The following PLEKHA5 variants were observed in gnomAD, a reference collection of about 807,000 sequenced individuals.
PLEKHA5 encodes the protein pleckstrin homology domain-containing family A member 5.
In PLEKHA5, 55 loss-of-function variants were observed where a neutral mutation model predicts 181.9. The observed-to-expected ratio is 0.30, with a 90% CI of 0.24 to 0.38. The LOEUF (loss-of-function observed/expected upper bound fraction) is 0.38, where lower values mean the gene tolerates loss of function less well. Ranked by LOEUF, PLEKHA5 falls within the 10% of genes least tolerant of loss-of-function variation. The pLI is 1.00. For missense variants in PLEKHA5, 1,432 were observed against 1,549.5 expected, an observed-to-expected ratio of 0.92 and a Z score of 1.27; for synonymous variants, 535 against 529.4, an observed-to-expected ratio of 1.01 and a Z score of -0.15.
intron 3 of PLEKHA5, among the ~76,000 whole-genome samples, chr12:19,181,741 A>C (rs1465780315): frequency 6.6e-6 from 1 of 152,194 alleles, no homozygotes; most frequent in Non-Finnish European, 1.5e-5. Flanking sequence ...GCGCCACTGC[A>C]CTTCAGCCTG....
chr12:19,214,613 A>G (rs1436587595), intron 3 of PLEKHA5, among the ~76,000 whole-genome samples: 3 of 152,142 alleles, frequency 2.0e-5, no homozygotes, highest in African/African-American at 7.2e-5. Flanking sequence ...CCAGCGACAT[A>G]TGATGGAGGG....
chr12:19,228,878 A>G (rs543696088), intron 3 of PLEKHA5, among the ~76,000 whole-genome samples: 2 of 152,354 alleles, frequency 1.3e-5, no homozygotes, highest in South Asian at 2.1e-4. Flanking sequence ...CTATTAGCCA[A>G]GTAATCAAAT....
intron 15 of PLEKHA5, among the ~76,000 whole-genome samples, chr12:19,308,403 A>C (rs1171754590): frequency 2.6e-5 from 4 of 152,216 alleles, no homozygotes; most frequent in African/African-American, 9.7e-5. Context: ...TTTACATCAA[A>C]AAGCTTTTAG....
chr12:19,356,245 TA>T (rs1424164725), intron 26 of PLEKHA5, among the ~76,000 whole-genome samples: 20 of 152,060 alleles, frequency 1.3e-4, no homozygotes, highest in Admixed American at 2.6e-4. Context: ...CCAGGCATAG[TA>T]GCTCATACCT....
intron 7 of PLEKHA5, among the ~76,000 whole-genome samples, chr12:19,263,879 A>T (rs1349648411): frequency 6.6e-6 from 1 of 152,148 alleles, no homozygotes; most frequent in Non-Finnish European, 1.5e-5. Context: ...GACCCCATAG[A>T]GAGTTCTTTC....
chr12:19,356,468 T>C (rs1185644566), intron 26 of PLEKHA5, among the ~76,000 whole-genome samples: 1 of 151,976 alleles, frequency 6.6e-6, no homozygotes, highest in East Asian at 1.9e-4. Context: ...GAGCCATGAT[T>C]GCTCCACTGC....
intron 1 of PLEKHA5, 64 bp from the exon 2 acceptor site, chr12:19,129,987 C>G: frequency 6.9e-7 from 1 of 1,451,058 alleles, no homozygotes; most frequent in African/African-American, 1.4e-5. Flanking sequence ...GCTCCTGCAG[C>G]CCCTCGGCTC....
At chr12:19,269,972 A>T in intron 9 of PLEKHA5, 87 bp downstream of exon 9, 1 of 712,932 alleles carries the variant, frequency 1.4e-6, no homozygotes, top group Non-Finnish European at 2.4e-6. Flanking sequence ...AGTACATATC[A>T]TTTTAATAGT....
intron 12 of PLEKHA5, among the ~76,000 whole-genome samples, chr12:19,285,853 C>G (rs1422242985): frequency 6.6e-6 from 1 of 152,110 alleles, no homozygotes; most frequent in Admixed American, 6.5e-5. Context: ...TATGGCATAC[C>G]AAAGTGCTAA....
At chr12:19,347,223 G>A (rs1391259280) in intron 24 of PLEKHA5, 41 bp downstream of exon 24, 1 of 1,123,720 alleles carries the variant, frequency 8.9e-7, no homozygotes, top group Non-Finnish European at 1.2e-6. Flanking sequence ...AATCCTACAT[G>A]TCCTCTCATT....
At chr12:19,243,703 G>A (rs183821888) in intron 3 of PLEKHA5, among the ~76,000 whole-genome samples, 2 of 152,274 alleles carry the variant, frequency 1.3e-5, no homozygotes, top group East Asian at 3.9e-4. Context: ...TTAGTTCTAA[G>A]TTAAAGGCAA....
At position 19,260,969 on chromosome 12, in the gene PLEKHA5, G is replaced by T; in HGVS notation, c.558G>T (p.Leu186Phe). The change falls in exon 7 of 32, where the codon TTG becomes TTT. Residue 186 changes from leucine (L) to phenylalanine (F), a missense_variant. Leu to Phe is a conservative substitution (Grantham distance 22). Coordinates refer to ENST00000429027, the MANE Select transcript of PLEKHA5 (RefSeq NM_001256470.2). ...LYKQDSTGMK[L>F]WKKRWFVLSD... ...TCCAGGACAGTACTGGCATGAAATT[G>T]TGGAAGAAACGCTGGTTTGTGCTTT... is the stretch of plus-strand genomic sequence containing the variant. The T allele has an allele frequency of 6.2e-7, 1 of 1,600,664 alleles. No individual in the cohort carries two copies. Among genetic ancestry groups the T allele is most frequent in the South Asian group, 1.1e-5 (1 of 88,310 alleles).
At chr12:19,241,974 A>AT in intron 3 of PLEKHA5, among the ~76,000 whole-genome samples, 1 of 152,296 alleles carries the variant, frequency 6.6e-6, no homozygotes, top group Non-Finnish European at 1.5e-5. Context: ...ATATAGTACC[A>AT]GTTAACCTTC....
chr12:19,233,139 T>A (rs2060887820), intron 3 of PLEKHA5, among the ~76,000 whole-genome samples: 1 of 152,218 alleles, frequency 6.6e-6, no homozygotes, highest in Admixed American at 6.5e-5. Context: ...TTTACTTTTG[T>A]AATTAGTGTT....
intron 21 of PLEKHA5, among the ~76,000 whole-genome samples, chr12:19,341,483 C>T (rs2093922959): frequency 1.3e-5 from 2 of 151,884 alleles, no homozygotes; most frequent in South Asian, 4.2e-4. Flanking sequence ...CCTTCCCATC[C>T]TCTGTGTCAG....
intron 20 of PLEKHA5, among the ~76,000 whole-genome samples, chr12:19,333,262 G>T (rs2093029812): frequency 6.6e-6 from 1 of 151,978 alleles, no homozygotes; most frequent in African/African-American, 2.4e-5. Context: ...TCCAGCCTGG[G>T]CAACAAGAGT....
At position 19,359,476 on chromosome 12, in the gene PLEKHA5, A is replaced by T; in HGVS notation, c.3413A>T (p.His1138Leu). ...AGAGAAAATGATGTAAAGCCAGACCATGAAACTCCTGCAACAGAAATTGTT... is the reference window on the plus strand; with the variant it reads ...AGAGAAAATGATGTAAAGCCAGACCTTGAAACTCCTGCAACAGAAATTGTT... ...AIRENDVKPDHETPATEIVQL... is the reference protein window; with the variant it reads ...AIRENDVKPDLETPATEIVQL... The change falls in exon 28 of 32, where the codon CAT becomes CTT. Residue 1138 changes from histidine (H) to leucine (L), a missense_variant. His to Leu is a moderately conservative substitution (Grantham distance 99). This residue lies in a region of PLEKHA5 where 1,143 missense variants were observed against 1,168.4 expected (regional missense o/e 0.98). Transcript: ENST00000429027. The T allele has an allele frequency of 6.2e-7, 1 of 1,613,842 alleles. No homozygotes were observed. The highest frequency in any genetic ancestry group is 8.5e-7 in the Non-Finnish European group (1 of 1,179,728).
At chr12:19,141,125 T>C (rs1313383708) in intron 3 of PLEKHA5, among the ~76,000 whole-genome samples, 1 of 152,110 alleles carries the variant, frequency 6.6e-6, no homozygotes, top group African/African-American at 2.4e-5. Context: ...TCAAGAGTGA[T>C]GCAAGTAAAT....
chr12:19,323,503 C>G (rs906119797), intron 20 of PLEKHA5, among the ~76,000 whole-genome samples: 1 of 150,654 alleles, frequency 6.6e-6, no homozygotes, highest in Admixed American at 6.6e-5. Flanking sequence ...AACTCTGTCT[C>G]AATCAATCAA....
Sources: gnomAD v4.1 joint callset for allele counts (sites outside exome capture counted in the v4.1 genomes callset) on GRCh38, gnomAD v4.1.1 for gene constraint, gnomAD v4.1.1 regional missense constraint, MANE v1.5 for transcripts, NCBI Gene and HGNC (gene_info 2026-07-23, HGNC 2026-07-21) for gene names.